SLC20A1: variants seen among roughly 807,000 people sequenced by gnomAD.
The protein encoded by SLC20A1 is sodium-dependent phosphate transporter 1.
SLC20A1 carries 28 observed loss-of-function variants against 62.7 expected under a neutral mutation model. That is an observed-to-expected ratio of 0.45 (90% CI 0.33 to 0.61). SLC20A1 has a LOEUF of 0.61. SLC20A1 is among the 20% of genes least tolerant of loss of function. SLC20A1 has a pLI of 0.02. For missense variants in SLC20A1, 673 were observed against 838.6 expected, an observed-to-expected ratio of 0.80 and a Z score of 2.44; for synonymous variants, 305 against 302.9, an observed-to-expected ratio of 1.01 and a Z score of -0.07.
At position 112,659,653 on chromosome 2, in the gene SLC20A1, C is replaced by T. The variant is rs757438670; in HGVS notation, c.1498C>T (p.Leu500=). Residue 500 remains leucine, a synonymous_variant, in exon 8 of 11, where the codon CTA becomes TTA. Transcript: ENST00000272542. ...LGDRKGSNGS[L]EEWYDQDKPE... is the part of the protein sequence containing the mutation. The stretch of plus-strand genomic sequence containing the variant: ...TGACAGAAAAGGAAGTAATGGCTCT[C>T]TAGAAGAATGGTATGACCAGGATAA... 8.1e-6 allele frequency: 13 copies of T among 1,614,224 alleles called. No individual in the cohort carries two copies. The highest frequency in any genetic ancestry group is 6.8e-6 in the Non-Finnish European group (8 of 1,180,024).
chr2:112,652,618 C>T (rs1335338643), intron 4 of SLC20A1, 84 bp from the exon 5 acceptor site: 9 of 1,117,306 alleles, frequency 8.1e-6, no homozygotes, highest in Non-Finnish European at 5.4e-6. Context: ...ACTATAATTC[C>T]CAAACCTACC....
At chr2:112,658,584 TA>T in intron 6 of SLC20A1, 1 of 447,290 alleles carries the variant, frequency 2.2e-6, no homozygotes, top group Non-Finnish European at 3.9e-6. Flanking sequence ...CCGTAAAACC[TA>T]AAATATTTAC....
In SLC20A1 at chr2:112,663,119, A is replaced by T; in HGVS notation, c.*94A>T. ...TGATTACAGTGTTAACAGAAGACTG[A>T]CAAGAGTCTTTTTATTTGGGAGCCA... On this transcript the variant is annotated 3_prime_UTR_variant, in exon 11 of 11. Transcript: ENST00000272542. The T allele has an allele frequency of 7.1e-7, 1 of 1,408,782 alleles. No homozygotes were observed. Among genetic ancestry groups the T allele is most frequent in the Non-Finnish European group, 1.0e-6 (1 of 993,974 alleles). 87.3% of individuals were successfully genotyped at this position (1,408,782 alleles called of 1,614,324 possible).
rs1422530886 is a variant in SLC20A1 at position 112,657,145 on chromosome 2, CTG to C, written c.685_686del (p.Trp229GlyfsTer30). On this transcript the variant is annotated frameshift_variant, in exon 6 of 11. Transcript: ENST00000272542. LOFTEE classifies it high-confidence loss of function. ...APLLGFDKLP[L>X]WGTILISVGC... ...AGTGCTGGGCTTTGACAAACTTCCT[CTG>C]TGGGGTACCATCCTCATCTCGGTGG... 1 of 1,613,628 alleles carries C rather than the reference CTG, an allele frequency of 6.2e-7. No homozygotes were observed. Among genetic ancestry groups the C allele is most frequent in the Non-Finnish European group, 8.5e-7 (1 of 1,179,922 alleles).
chr2:112,662,899 C>G lies in SLC20A1; in HGVS notation c.1914C>G (p.Ser638=), dbSNP rs759008092. The G allele has an allele frequency of 4.3e-6, 7 of 1,614,150 alleles. No homozygotes were observed. In the South Asian group the frequency reaches 7.7e-5, roughly 18 times the overall value. ...GSVVSVGWLR[S]KKAVDWRLFR... ...TTGTGTCTGTTGGCTGGCTCCGGTC[C>G]AAGAAGGCTGTTGACTGGCGTCTCT... The change falls in exon 11 of 11, where the codon TCC becomes TCG. Residue 638 remains serine (S), a synonymous_variant. Coordinates refer to ENST00000272542, the MANE Select transcript of SLC20A1 (RefSeq NM_005415.5).
chr2:112,659,619 G>A lies in SLC20A1; in HGVS notation c.1464G>A (p.Met488Ile). ...SEIDMSVKAE[M>I]GLGDRKGSNG... ...TAGACATGAGTGTCAAGGCAGAGAT[G>A]GGTCTAGGTGACAGAAAAGGAAGTA... is the stretch of plus-strand genomic sequence containing the variant. The change falls in exon 8 of 11, where the codon ATG (methionine) becomes ATA (isoleucine). Residue 488 changes from methionine (M) to isoleucine (I), a missense_variant. By Grantham distance (10) the Met-to-Ile change is conservative. Coordinates refer to ENST00000272542, the MANE Select transcript of SLC20A1 (RefSeq NM_005415.5). 6.2e-7 allele frequency: 1 copy of A among 1,614,186 alleles called. No homozygotes were observed. Among genetic ancestry groups the A allele is most frequent in the Non-Finnish European group, 8.5e-7 (1 of 1,180,032 alleles).
At position 112,658,124 on chromosome 2, in the gene SLC20A1, ACT is replaced by A. The variant is rs986141963; in HGVS notation, c.779-696_779-695del. Reference sequence around the variant, plus strand: ...GCACGGTGGGAACCAGGCTTTCAGGACTCTCTGGCCTCATTTTCCCTCTCTGG... The same window carrying A: ...GCACGGTGGGAACCAGGCTTTCAGGACTCTGGCCTCATTTTCCCTCTCTGG... On this transcript the variant is annotated intron_variant, in intron 6 of 10. Coordinates refer to ENST00000272542, the MANE Select transcript of SLC20A1 (RefSeq NM_005415.5). 1.3e-5 allele frequency among the ~76,000 whole-genome samples: 2 copies of A among 151,888 alleles called. 1 individual carries two copies. The highest frequency in any genetic ancestry group is 4.2e-4 in the South Asian group (2 of 4,794).
intron 2 of SLC20A1, 24 bp from the exon 3 acceptor site, chr2:112,647,298 CTT>C (rs1467184384): frequency 6.2e-7 from 1 of 1,605,968 alleles, no homozygotes; most frequent in Non-Finnish European, 8.5e-7. Context: ...TTGATATTTA[CTT>C]AATAAAACTT....
intron 6 of SLC20A1, 52 bp from the exon 7 acceptor site, chr2:112,658,773 A>G: frequency 6.5e-7 from 1 of 1,531,436 alleles, no homozygotes; most frequent in African/African-American, 1.4e-5. Context: ...GACGTGGAAC[A>G]AAGTAGTATG....
At position 112,663,070 on chromosome 2, in the gene SLC20A1, A is replaced by G. The variant is rs1558697094; in HGVS notation, c.*45A>G. On this transcript the variant is annotated 3_prime_UTR_variant, in exon 11 of 11. Coordinates refer to ENST00000272542, the MANE Select transcript of SLC20A1 (RefSeq NM_005415.5). Reference sequence around the variant, plus strand: ...TTGTGTCAATGTTTGGGACCATCTTAGGTATTCCTGCTCCCCTGAAGAATG... The same window carrying G: ...TTGTGTCAATGTTTGGGACCATCTTGGGTATTCCTGCTCCCCTGAAGAATG... The G allele has an allele frequency of 6.3e-7, 1 of 1,598,030 alleles. No homozygotes were observed. The highest frequency in any genetic ancestry group is 2.2e-5 in the East Asian group (1 of 44,770).
intron 4 of SLC20A1, chr2:112,652,374 A>G (rs1686466565): frequency 2.9e-6 from 1 of 345,618 alleles, no homozygotes; most frequent in Non-Finnish European, 5.3e-6. Context: ...AGTATAGCCT[A>G]TCCTCAGGTG....
intron 4 of SLC20A1, among the ~76,000 whole-genome samples, chr2:112,650,922 C>T (rs557879460): frequency 1.1e-4 from 17 of 152,308 alleles, no homozygotes; most frequent in African/African-American, 4.1e-4. Flanking sequence ...CACCACCACA[C>T]CTGACCTGCA....
Position 112,653,654 on chromosome 2 carries a change from TTC to T in SLC20A1, c.658+862_658+863del, listed in dbSNP as rs200771984. On this transcript the variant is annotated intron_variant, in intron 5 of 10. Coordinates refer to ENST00000272542, the MANE Select transcript of SLC20A1 (RefSeq NM_005415.5). ...TGTGCTATGCACCCATATTTTCAAA[TTC>T]TCTCTTTTTTTTTTTCTTAACATTT... Among the ~76,000 whole-genome samples the T allele has an allele frequency of 8.7e-3, 1,068 of 122,920 alleles. 21 individuals carry two copies. The highest frequency in any genetic ancestry group is 0.025 in the African/African-American group (1,008 of 39,682). The allele number at this position is 122,920 out of a possible 152,430, so 80.6% of individuals were successfully genotyped here.
At chr2:112,660,076 T>G (rs1389652643) in intron 8 of SLC20A1, among the ~76,000 whole-genome samples, 2 of 152,226 alleles carry the variant, frequency 1.3e-5, no homozygotes, top group African/African-American at 4.8e-5. Flanking sequence ...ATGAAAAACT[T>G]AAAAGTTTTT....
intron 6 of SLC20A1, among the ~76,000 whole-genome samples, chr2:112,658,103 G>A (rs1169294844): frequency 5.3e-5 from 8 of 152,148 alleles, no homozygotes; most frequent in East Asian, 1.9e-4. Flanking sequence ...CCGAGTGCAC[G>A]GTGGGAACCA....
chr2:112,646,981 T>G lies in SLC20A1; in HGVS notation c.153T>G (p.Ala51=), dbSNP rs1686298142. The G allele has an allele frequency of 6.2e-7, 1 of 1,614,094 alleles. No individual in the cohort carries two copies. The highest frequency in any genetic ancestry group is 1.1e-5 in the South Asian group (1 of 91,084). ...ANDVANSFGT[A]VGSGVVTLKQ... ...ATGTAGCAAATTCTTTTGGTACAGC[T>G]GTGGGCTCAGGTGTAGTGACCCTGA... The change falls in exon 2 of 11, where the codon GCT becomes GCG. Residue 51 remains alanine (A), a synonymous_variant. Coordinates refer to ENST00000272542, the MANE Select transcript of SLC20A1 (RefSeq NM_005415.5).
chr2:112,662,805 T>C, intron 10 of SLC20A1, 59 bp from the exon 11 acceptor site: 1 of 1,562,392 alleles, frequency 6.4e-7, no homozygotes, highest in Non-Finnish European at 8.8e-7. Flanking sequence ...CAGGTGTCTG[T>C]TTGCCAGAAT....
At chr2:112,651,474 A>G (rs112594899) in intron 4 of SLC20A1, among the ~76,000 whole-genome samples, 7 of 151,340 alleles carry the variant, frequency 4.6e-5, no homozygotes, top group Middle Eastern at 3.4e-3. Context: ...CCCAGTCTCC[A>G]CTGACTGCAA....
chr2:112,660,310 G>T, intron 8 of SLC20A1, 77 bp from the exon 9 acceptor site: 1 of 1,285,834 alleles, frequency 7.8e-7, no homozygotes, highest in Non-Finnish European at 1.1e-6. Context: ...CAACCTGGTA[G>T]ATCATTCAGC....
Sources: allele counts gnomAD v4.1 joint callset (sites outside exome capture counted in the v4.1 genomes callset), GRCh38; gene constraint gnomAD v4.1.1; transcripts MANE v1.5; gene names NCBI Gene and HGNC (gene_info 2026-07-23, HGNC 2026-07-21).